Variants in RBFOX1 observed in about 807,000 individuals in gnomAD.
RBFOX1 encodes the protein RNA binding protein fox-1 homolog 1.
In RBFOX1, 8 loss-of-function variants were observed where a neutral mutation model predicts 57.7. The observed-to-expected ratio is 0.14, with a 90% CI of 0.08 to 0.25. The LOEUF (loss-of-function observed/expected upper bound fraction) is 0.25, where lower values mean the gene tolerates loss of function less well. Among genes scored for constraint, RBFOX1 ranks in the 10% least tolerant of loss-of-function variants. RBFOX1 has a pLI of 1.00. For synonymous variants in RBFOX1, 326 were observed against 222.4 expected (o/e 1.47, Z -4.15); for missense variants, 611 against 548.5 (o/e 1.11, Z -1.14).
chr16:5,494,168 T>A (rs912715516), intron 2 of RBFOX1, among the ~76,000 whole-genome samples: 19 of 152,256 alleles, frequency 1.2e-4, no homozygotes, highest in Admixed American at 1.2e-3. Context: ...GGAAACTGAG[T>A]CTGAATTCTT....
intron 3 of RBFOX1, among the ~76,000 whole-genome samples, chr16:6,899,349 C>T (rs535261952): frequency 1.8e-4 from 27 of 152,222 alleles, no homozygotes; most frequent in African/African-American, 5.3e-4. Context: ...TTCTATTTAG[C>T]ATCAGGCATT....
chr16:5,926,653 C>T (rs1386468337), intron 4 of RBFOX1, among the ~76,000 whole-genome samples: 1 of 152,102 alleles, frequency 6.6e-6, no homozygotes, highest in Non-Finnish European at 1.5e-5. Context: ...ATGCCTGGAT[C>T]CGTGGTTTAC....
intron 3 of RBFOX1, among the ~76,000 whole-genome samples, chr16:6,913,506 C>A (rs1184099995): frequency 1.3e-5 from 2 of 152,152 alleles, no homozygotes; most frequent in Non-Finnish European, 2.9e-5. Context: ...TCGGCCCCAT[C>A]ATCTGCAGTG....
chr16:5,326,356 G>A (rs188101416), intron 1 of RBFOX1, among the ~76,000 whole-genome samples: 4 of 152,282 alleles, frequency 2.6e-5, no homozygotes, highest in Non-Finnish European at 4.4e-5. Flanking sequence ...GGTCATGTGA[G>A]CACCAAAAAA....
intron 2 of RBFOX1, among the ~76,000 whole-genome samples, chr16:6,561,241 C>G (rs571842986): frequency 1.3e-5 from 2 of 152,102 alleles, no homozygotes; most frequent in African/African-American, 4.8e-5. Flanking sequence ...AAAAGATTCA[C>G]GGGGGCAGGG....
At chr16:7,447,072 A>G (rs1435712308) in intron 4 of RBFOX1, among the ~76,000 whole-genome samples, 3 of 151,926 alleles carry the variant, frequency 2.0e-5, no homozygotes, top group Non-Finnish European at 4.4e-5. Context: ...TTAGCCTCCC[A>G]AAGTGCTGGG....
chr16:5,600,373 A>T (rs1461672290), downstream of RBFOX1, among the ~76,000 whole-genome samples: 5 of 150,542 alleles, frequency 3.3e-5, no homozygotes, highest in Admixed American at 6.6e-5. Context: ...GCAGTCTCAG[A>T]CACTCGGGAG....
chr16:6,825,153 C>T (rs749949333), intron 3 of RBFOX1, among the ~76,000 whole-genome samples: 3 of 151,132 alleles, frequency 2.0e-5, no homozygotes, highest in African/African-American at 7.3e-5. Context: ...TCACTCAGCA[C>T]CCTTGGCGTT....
chr16:7,554,355 A>G (rs967767307), intron 5 of RBFOX1, among the ~76,000 whole-genome samples: 19 of 152,338 alleles, frequency 1.2e-4, no homozygotes, highest in Non-Finnish European at 1.5e-4. Context: ...CCTGTGTTTT[A>G]TATACTTTTA....
chr16:7,318,922 C>T (rs1021961495), intron 4 of RBFOX1, among the ~76,000 whole-genome samples: 10 of 152,116 alleles, frequency 6.6e-5, no homozygotes, highest in Non-Finnish European at 1.5e-4. Context: ...CAGATGAGCA[C>T]ACCACTAGCC....
intron 1 of RBFOX1, among the ~76,000 whole-genome samples, chr16:6,169,033 A>G (rs778526199): frequency 5.9e-5 from 9 of 152,190 alleles, no homozygotes; most frequent in Non-Finnish European, 5.9e-5. Context: ...TTCTCATTTC[A>G]TAATGAGCGT....
At chr16:7,086,109 G>C (rs1035162847) in intron 4 of RBFOX1, among the ~76,000 whole-genome samples, 3 of 152,060 alleles carry the variant, frequency 2.0e-5, no homozygotes, top group African/African-American at 7.2e-5. Flanking sequence ...ATCATGCTTA[G>C]CCAGTATGCA....
At position 6,601,113 on chromosome 16, in the gene RBFOX1, C is replaced by A. The variant is rs781252971; in HGVS notation, c.-63-53490C>A. Among the ~76,000 whole-genome samples, 31 of 152,126 alleles carry A rather than the reference C, an allele frequency of 2.0e-4. 1 individual carries two copies. The highest frequency in any genetic ancestry group is 4.0e-4 in the Non-Finnish European group (27 of 68,024). ...GCAACAGCTTAGGGATTTAAGTAACCCCTTTAGCCTAGTTGTAAAGCCTTT... is the reference window on the plus strand; with the variant it reads ...GCAACAGCTTAGGGATTTAAGTAACACCTTTAGCCTAGTTGTAAAGCCTTT... On this transcript the variant is annotated intron_variant, in intron 2 of 15. Coordinates refer to ENST00000550418, the MANE Select transcript of RBFOX1 (RefSeq NM_018723.4).
At chr16:6,683,585 ATG>A (rs1293158325) in intron 3 of RBFOX1, among the ~76,000 whole-genome samples, 3 of 152,064 alleles carry the variant, frequency 2.0e-5, no homozygotes, top group African/African-American at 4.8e-5. Flanking sequence ...ACGTGTATAC[ATG>A]TGTGTGTGTA....
Position 5,536,107 on chromosome 16 carries a change from T to C in RBFOX1, c.259-62795T>C, listed in dbSNP as rs79330287. ...CCCAAGTCATCAAGCCCCCCCCCCC[T>C]TTTTTTTCTTTTTTATTTAACAGTT... On this transcript the variant is annotated intron_variant, in intron 2 of 2. Coordinates refer to the RBFOX1 transcript ENST00000585867. Among the ~76,000 whole-genome samples the C allele has an allele frequency of 1.7e-3, 197 of 115,154 alleles. 1 individual carries two copies. Among genetic ancestry groups the C allele is most frequent in the African/African-American group, 4.3e-3 (139 of 32,622 alleles). 75.5% of individuals were successfully genotyped at this position (115,154 alleles called of 152,430 possible).
At chr16:5,793,556 G>A (rs2054774921) in intron 3 of RBFOX1, among the ~76,000 whole-genome samples, 1 of 152,170 alleles carries the variant, frequency 6.6e-6, no homozygotes, top group Non-Finnish European at 1.5e-5. Context: ...GAAGAGGTGG[G>A]CGTCCCTCCC....
chr16:6,982,587 G>C (rs180943553), intron 3 of RBFOX1, among the ~76,000 whole-genome samples: 8 of 152,306 alleles, frequency 5.3e-5, no homozygotes, highest in Non-Finnish European at 1.2e-4. Flanking sequence ...TAGTTACCAT[G>C]AGTTGAACAG....
In RBFOX1 at chr16:5,313,210, G is replaced by A. The variant is rs141689825; in HGVS notation, c.219+73105G>A. Among the ~76,000 whole-genome samples the A allele has an allele frequency of 4.1e-3, 624 of 152,292 alleles. 7 individuals are homozygous for A. Among genetic ancestry groups the A allele is most frequent in the African/African-American group, 0.014 (591 of 41,576 alleles). On this transcript the variant is annotated intron_variant, in intron 1 of 2. Transcript: ENST00000585867. ...GTCATGCACAGCCTGTTGAAGCAGG[G>A]CAAATTGCTCCATTTGCTGCAACCC...
chr16:6,672,614 C>G (rs545470867), intron 3 of RBFOX1, among the ~76,000 whole-genome samples: 1 of 152,106 alleles, frequency 6.6e-6, no homozygotes, highest in East Asian at 1.9e-4. Context: ...GCATATAAGA[C>G]TACTGACTTC....
Sources: allele counts gnomAD v4.1 joint callset (sites outside exome capture counted in the v4.1 genomes callset), GRCh38; gene constraint gnomAD v4.1.1; transcripts MANE v1.5; gene names NCBI Gene and HGNC (gene_info 2026-07-23, HGNC 2026-07-21).